The following ATAD3A variants were observed in gnomAD, a reference collection of about 807,000 sequenced individuals.
ATAD3A encodes the protein ATPase family AAA domain containing 3A.
ATAD3A carries 46 observed loss-of-function variants against 73.8 expected under a neutral mutation model. That is an observed-to-expected ratio of 0.62 (90% CI 0.49 to 0.80). ATAD3A has a LOEUF of 0.80. Ranked by LOEUF, ATAD3A falls within the 30% of genes least tolerant of loss-of-function variation. ATAD3A has a pLI of 0.00. For missense variants in ATAD3A, 705 were observed against 838.0 expected (o/e 0.84, Z 1.96); for synonymous variants, 319 against 350.0 (o/e 0.91, Z 0.99).
chr1:1,523,625 G>T lies in ATAD3A; in HGVS notation c.963+58G>T. 5 of 1,609,646 alleles carry T rather than the reference G, an allele frequency of 3.1e-6. No individual in the cohort carries two copies. Among genetic ancestry groups the T allele is most frequent in the Non-Finnish European group, 4.2e-6 (5 of 1,178,494 alleles). The stretch of plus-strand genomic sequence containing the variant: ...AGGGAGGGGACCCTGGAGCTGGGCC[G>T]GGCTGTGGCCCTTGCTGGCGCTCGT... On this transcript the variant is annotated intron_variant, in intron 9 of 15. Coordinates refer to ENST00000378756, the MANE Select transcript of ATAD3A (RefSeq NM_001170535.3). The surrounding 1 kb of genome is among the most constrained non-coding windows in gnomAD (Gnocchi z 5.1).
In ATAD3A at chr1:1,534,470, G is replaced by T. The variant is rs1642158720; in HGVS notation, c.*398G>T. ...CGGCTCCCACAGCAGAGCCAGGTGA[G>T]GGGGCGCCTGCCAGGGCCAGACCCA... On this transcript the variant is annotated 3_prime_UTR_variant, in exon 16 of 16. Transcript: ENST00000378756. The T allele has an allele frequency of 1.8e-6, 2 of 1,115,854 alleles. No homozygotes were observed. Among genetic ancestry groups the T allele is most frequent in the Non-Finnish European group, 2.3e-6 (2 of 872,300 alleles). 69.1% of individuals were successfully genotyped at this position (1,115,854 alleles called of 1,614,324 possible). A position where few individuals can be genotyped will look rare whatever the true frequency, so the allele number is the denominator to read the frequency against.
At chr1:1,525,806 A>G (rs1353319499) in intron 12 of ATAD3A, among the ~76,000 whole-genome samples, 2 of 152,036 alleles carry the variant, frequency 1.3e-5, no homozygotes, top group East Asian at 1.9e-4. Flanking sequence ...CTGGAGCTCA[A>G]GCAATCCTCC....
rs564120476 is a variant in ATAD3A, at chr1:1,520,453, C to T, written c.681-95C>T. 8.7e-6 allele frequency: 14 copies of T among 1,607,282 alleles called. No individual in the cohort carries two copies. Among genetic ancestry groups the T allele is most frequent in the Admixed American group, 1.7e-5 (1 of 59,818 alleles). On this transcript the variant is annotated intron_variant, in intron 6 of 15. Transcript: ENST00000378756. The surrounding 1 kb of genome is among the most constrained non-coding windows in gnomAD (Gnocchi z 4.0). ...CACTGCCCCTCTGTCCTGGCAAGGCCGTGCCGCCATGTCAGGGCCTCACCC... is the reference window on the plus strand; with the variant it reads ...CACTGCCCCTCTGTCCTGGCAAGGCTGTGCCGCCATGTCAGGGCCTCACCC...
intron 11 of ATAD3A, 74 bp from the exon 12 acceptor site, chr1:1,525,166 T>C (rs1049184470): frequency 8.7e-6 from 14 of 1,601,482 alleles, no homozygotes; most frequent in African/African-American, 1.3e-5. Context: ...GGCCTGCTCC[T>C]GCCGCGGCCG....
intron 7 of ATAD3A, 100 bp from the exon 8 acceptor site, chr1:1,522,644 C>G: frequency 6.4e-7 from 1 of 1,566,276 alleles, no homozygotes; most frequent in South Asian, 1.2e-5. Flanking sequence ...CTGTGCTTCT[C>G]CCTCGGGCGG....
chr1:1,534,412 C>G lies in ATAD3A; in HGVS notation c.*340C>G. 1 of 1,297,412 alleles carries G rather than the reference C, an allele frequency of 7.7e-7. No individual in the cohort carries two copies. Among genetic ancestry groups the G allele is most frequent in the Non-Finnish European group, 9.9e-7 (1 of 1,014,614 alleles). The allele number at this position is 1,297,412 out of a possible 1,614,324, so 80.4% of individuals were successfully genotyped here. On this transcript the variant is annotated 3_prime_UTR_variant, in exon 16 of 16. Transcript: ENST00000378756. ...GTGGGTGCTGGCTGAGCCCCCGGGG[C>G]AGCAGGAGCCAGGCAGGTGATGTCT...
intron 13 of ATAD3A, chr1:1,527,099 G>T (rs41285834): frequency 0.014 from 16,878 of 1,187,326 alleles, 146 homozygotes; most frequent in African/African-American, 0.017. Context: ...CCATGGCCAG[G>T]CTCCCTAGTC....
At chr1:1,521,457 C>T (rs1418871042) in intron 7 of ATAD3A, among the ~76,000 whole-genome samples, 5 of 152,152 alleles carry the variant, frequency 3.3e-5, no homozygotes, top group African/African-American at 1.2e-4. Flanking sequence ...CTCCGGCCTG[C>T]TGTGGTGGCG....
intron 1 of ATAD3A, among the ~76,000 whole-genome samples, chr1:1,515,609 T>C (rs1641329771): frequency 6.6e-6 from 1 of 152,214 alleles, no homozygotes; most frequent in African/African-American, 2.4e-5. Context: ...ATTCATTCCC[T>C]TTCTTGCCTG....
chr1:1,513,515 T>C lies in ATAD3A; in HGVS notation c.205+1042T>C, dbSNP rs1641263990. Among the ~76,000 whole-genome samples, 3 of 151,888 alleles carry C rather than the reference T, an allele frequency of 2.0e-5. No individual in the cohort carries two copies. The South Asian group carries it at 6.3e-4, about 32-fold the overall frequency. On this transcript the variant is annotated intron_variant, in intron 1 of 15. Transcript: ENST00000378756. ...TGCCGGCGTTGCCAGTGCCTTGGTC[T>C]GCCCTCTCTGTGGTGGAGCGGGGCC...
At chr1:1,515,090 G>C (rs1435051203) in intron 1 of ATAD3A, among the ~76,000 whole-genome samples, 3 of 152,068 alleles carry the variant, frequency 2.0e-5, no homozygotes, top group Non-Finnish European at 4.4e-5. Context: ...GGCCCGGATG[G>C]AGATTTTTCT....
At chr1:1,527,584 C>T (rs931951200) in intron 13 of ATAD3A, 111 bp from the exon 14 acceptor site, 301 of 1,377,120 alleles carry the variant, frequency 2.2e-4, no homozygotes, top group Non-Finnish European at 2.8e-4. Flanking sequence ...CCCGTGTCCT[C>T]GTGTTTCCCG....
intron 2 of ATAD3A, 138 bp downstream of exon 2, chr1:1,516,226 C>T: frequency 7.4e-7 from 1 of 1,350,510 alleles, no homozygotes; most frequent in East Asian, 2.5e-5. Context: ...AGCTTGGGCG[C>T]CTCATTTCAC....
chr1:1,517,057 C>G, intron 2 of ATAD3A: 9 of 1,490,526 alleles, frequency 6.0e-6, no homozygotes, highest in Non-Finnish European at 8.1e-6. Flanking sequence ...GCCCTCAGTG[C>G]AGTCCAAAAG....
At chr1:1,521,427 C>T (rs1267709806) in intron 7 of ATAD3A, among the ~76,000 whole-genome samples, 5 of 152,076 alleles carry the variant, frequency 3.3e-5, no homozygotes, top group East Asian at 1.9e-4. Flanking sequence ...CGTTTAAAGC[C>T]TCACTCTTTT....
chr1:1,522,233 G>T (rs1310950032), intron 7 of ATAD3A, among the ~76,000 whole-genome samples: 26 of 151,798 alleles, frequency 1.7e-4, no homozygotes, highest in Non-Finnish European at 4.4e-5. Context: ...TAGAGACGGG[G>T]TTTCTCCATG....
rs778919180 is a variant in ATAD3A, at chr1:1,518,918, C to T, written c.445-3C>T. On this transcript the variant is annotated splice_region_variant and splice_polypyrimidine_tract_variant and intron_variant, in intron 4 of 15. Coordinates refer to ENST00000378756, the MANE Select transcript of ATAD3A (RefSeq NM_001170535.3). ...TTTCTCTTTTTCTGCGGCTTCTTCTCAGCAACTTCTCAATGAGGAGAATTT... is the reference window on the plus strand; with the variant it reads ...TTTCTCTTTTTCTGCGGCTTCTTCTTAGCAACTTCTCAATGAGGAGAATTT... 41 of 1,614,024 alleles carry T rather than the reference C, an allele frequency of 2.5e-5. No individual in the cohort carries two copies. The highest frequency in any genetic ancestry group is 6.6e-5 in the South Asian group (6 of 91,080).
chr1:1,515,400 T>C (rs1286731851), intron 1 of ATAD3A, among the ~76,000 whole-genome samples: 1 of 152,174 alleles, frequency 6.6e-6, no homozygotes, highest in Non-Finnish European at 1.5e-5. Flanking sequence ...GGTAAAGTTT[T>C]ATGATGGGAA....
rs1642159334 is a variant in ATAD3A at position 1,534,487 on chromosome 1, C to T, written c.*415C>T. On this transcript the variant is annotated 3_prime_UTR_variant, in exon 16 of 16. Transcript: ENST00000378756. The stretch of plus-strand genomic sequence containing the variant: ...CCAGGTGAGGGGGCGCCTGCCAGGG[C>T]CAGACCCAGGTGGGGCAGCCTGAAC... 2.1e-6 allele frequency: 2 copies of T among 973,254 alleles called. No homozygotes were observed. The highest frequency in any genetic ancestry group is 3.1e-5 in the South Asian group (1 of 32,442). 60.3% of individuals were successfully genotyped at this position (973,254 alleles called of 1,614,324 possible).
Sources: gnomAD v4.1 joint callset for allele counts (sites outside exome capture counted in the v4.1 genomes callset) on GRCh38, gnomAD v4.1.1 for gene constraint, Gnocchi (gnomAD v3.1) non-coding constraint, MANE v1.5 for transcripts, NCBI Gene and HGNC (gene_info 2026-07-23, HGNC 2026-07-21) for gene names.